RBMS1: variants seen among roughly 807,000 people sequenced by gnomAD.
RBMS1 encodes RNA binding motif single stranded interacting protein 1, also known as RNA-binding motif, single-stranded-interacting protein 1.
Under a neutral mutation model 62.3 loss-of-function variants are expected in RBMS1, and 17 were observed. That is an observed-to-expected ratio of 0.27 (90% CI 0.19 to 0.41). The LOEUF is 0.41. Among genes scored for constraint, RBMS1 ranks in the 10% least tolerant of loss-of-function variants. RBMS1 has a pLI of 1.00. For missense variants in RBMS1, 334 were observed against 504.5 expected (o/e 0.66, Z 3.24); for synonymous variants, 172 against 170.0 (o/e 1.01, Z -0.09).
chr2:160,438,586 C>A (rs1223381522), intron 1 of RBMS1, among the ~76,000 whole-genome samples: 3 of 152,158 alleles, frequency 2.0e-5, no homozygotes, highest in African/African-American at 2.4e-5. Flanking sequence ...ATAAGGTCAC[C>A]AATCAACAGG....
chr2:160,310,775 G>A (rs61254214), intron 4 of RBMS1, among the ~76,000 whole-genome samples: 53,180 of 151,862 alleles, frequency 0.35, 9,584 homozygotes, highest in East Asian at 0.53. Flanking sequence ...TAAACATTCT[G>A]CAAATCATTA....
intron 1 of RBMS1, among the ~76,000 whole-genome samples, chr2:160,395,202 T>C (rs1386194762): frequency 1.3e-5 from 2 of 152,252 alleles, no homozygotes; most frequent in African/African-American, 4.8e-5. Flanking sequence ...GTATGTAGTG[T>C]TTCCGAAGTT....
At chr2:160,390,073 C>T (rs1573985141) in intron 1 of RBMS1, among the ~76,000 whole-genome samples, 1 of 152,290 alleles carries the variant, frequency 6.6e-6, no homozygotes, top group Non-Finnish European at 1.5e-5. Flanking sequence ...ACTCCCATTC[C>T]CTAGAGGTAA....
intron 1 of RBMS1, among the ~76,000 whole-genome samples, chr2:160,471,195 A>C (rs1472354174): frequency 1.3e-5 from 2 of 152,208 alleles, no homozygotes; most frequent in African/African-American, 4.8e-5. Context: ...AAGGGCAATA[A>C]ATGCTGGGCA....
At chr2:160,359,878 T>C (rs1013330508) in intron 2 of RBMS1, among the ~76,000 whole-genome samples, 4 of 152,200 alleles carry the variant, frequency 2.6e-5, no homozygotes, top group African/African-American at 7.2e-5. Context: ...GATGTACAAA[T>C]AATGAATATA....
chr2:160,339,580 C>T (rs1412695897), intron 2 of RBMS1, among the ~76,000 whole-genome samples: 1 of 152,068 alleles, frequency 6.6e-6, no homozygotes, highest in East Asian at 1.9e-4. Context: ...TATTACACAC[C>T]ATGATGTGTC....
In RBMS1 at chr2:160,451,174, T is replaced by A. The variant is rs903086545; in HGVS notation, c.75+42115A>T. The stretch of plus-strand genomic sequence containing the variant: ...CATGCTTCAGAAAAAAAAAAATAAA[T>A]AAATAAAAACTAGAGAAAATATCAT... On this transcript the variant is annotated intron_variant, in intron 1 of 13. Coordinates refer to ENST00000348849, the MANE Select transcript of RBMS1 (RefSeq NM_016836.4). Among the ~76,000 whole-genome samples the A allele has an allele frequency of 1.2e-3, 170 of 138,684 alleles. No homozygotes were observed. In the Middle Eastern group the frequency reaches 0.015, roughly 12 times the overall value. 91.0% of individuals were successfully genotyped at this position (138,684 alleles called of 152,430 possible).
rs142757202 is a variant in RBMS1, at chr2:160,305,660, G to A, written c.403-2173C>T. ...AGGAAGAAGAAACTGCAGTTTGAAA[G>A]CTACATCTTGAAAAATAGGGCGGTT... On this transcript the variant is annotated intron_variant, in intron 4 of 13. Coordinates refer to ENST00000348849, the MANE Select transcript of RBMS1 (RefSeq NM_016836.4). Among the ~76,000 whole-genome samples the A allele has an allele frequency of 8.0e-3, 1,212 of 152,286 alleles. 20 individuals carry two copies. Among genetic ancestry groups the A allele is most frequent in the African/African-American group, 0.026 (1,095 of 41,560 alleles).
At chr2:160,438,257 CTTTCTT>C (rs1223763465) in intron 1 of RBMS1, among the ~76,000 whole-genome samples, 100 of 142,562 alleles carry the variant, frequency 7.0e-4, no homozygotes, top group Middle Eastern at 3.8e-3. Flanking sequence ...AGGCTCAATA[CTTTCTT>C]TTTTTTTTTT....
chr2:160,363,910 A>C (rs1693261972), intron 2 of RBMS1, among the ~76,000 whole-genome samples: 1 of 152,116 alleles, frequency 6.6e-6, no homozygotes, highest in East Asian at 1.9e-4. Flanking sequence ...GAGAGTGAAA[A>C]AAAAAGCTAG....
chr2:160,311,228 C>A (rs111767564), intron 4 of RBMS1, among the ~76,000 whole-genome samples: 46,766 of 93,774 alleles, frequency 0.5, 12,326 homozygotes, highest in Middle Eastern at 0.64. Context: ...ATCTATCTAT[C>A]TATCTATATA....
intron 1 of RBMS1, among the ~76,000 whole-genome samples, chr2:160,415,106 A>G (rs1328369776): frequency 2.0e-5 from 3 of 151,992 alleles, no homozygotes; most frequent in East Asian, 1.9e-4. Context: ...TCAATCTTCT[A>G]TACTCTGATT....
At chr2:160,316,328 G>A (rs1467772713) in intron 3 of RBMS1, among the ~76,000 whole-genome samples, 9 of 152,266 alleles carry the variant, frequency 5.9e-5, no homozygotes, top group African/African-American at 2.2e-4. Flanking sequence ...TGGGAGGCTT[G>A]TGTGAAGCAG....
At chr2:160,387,471 A>G (rs1056312177) in intron 1 of RBMS1, among the ~76,000 whole-genome samples, 1 of 152,000 alleles carries the variant, frequency 6.6e-6, no homozygotes, top group Non-Finnish European at 1.5e-5. Context: ...CAGGGAGAGG[A>G]GCCACGTCGT....
Position 160,392,460 on chromosome 2 carries a change from CA to C in RBMS1, c.76-25070del, listed in dbSNP as rs761100589. 5.9e-3 allele frequency among the ~76,000 whole-genome samples: 731 copies of C among 123,732 alleles called. 6 individuals carry two copies. The highest frequency in any genetic ancestry group is 0.02 in the African/African-American group (645 of 32,450). The allele number at this position is 123,732 out of a possible 152,430, so 81.2% of individuals were successfully genotyped here. A position where few individuals can be genotyped will look rare whatever the true frequency, so the allele number is the denominator to read the frequency against. Reference sequence around the variant, plus strand: ...AAAATATTTACTATCTGGCCCTTCACAAAAAAAAAAAAACCCTGATCCCAAC... The same window carrying C: ...AAAATATTTACTATCTGGCCCTTCACAAAAAAAAAAAACCCTGATCCCAAC... On this transcript the variant is annotated intron_variant, in intron 1 of 13. Transcript: ENST00000348849.
At chr2:160,490,685 A>G (rs1287311543) in intron 1 of RBMS1, among the ~76,000 whole-genome samples, 1 of 152,196 alleles carries the variant, frequency 6.6e-6, no homozygotes, top group Admixed American at 6.5e-5. Flanking sequence ...AACTTTTAAA[A>G]GTATGGTAAC....
chr2:160,471,716 T>TATATAGAA (rs371634389), intron 1 of RBMS1, among the ~76,000 whole-genome samples: 1 of 76,234 alleles, frequency 1.3e-5, no homozygotes, highest in South Asian at 4.4e-4. Context: ...TATATATATA[T>TATATAGAA]AACCTTTCAT....
chr2:160,297,150 GA>G (rs1688978641), intron 6 of RBMS1, among the ~76,000 whole-genome samples: 1 of 152,220 alleles, frequency 6.6e-6, no homozygotes, highest in African/African-American at 2.4e-5. Flanking sequence ...TTGGGAAGTA[GA>G]ATTACAGATG....
At chr2:160,279,559 T>A (rs1688002086) in intron 10 of RBMS1, 1 of 152,208 alleles carries the variant, frequency 6.6e-6, no homozygotes. Flanking sequence ...TGAAAAACTA[T>A]CATTATCATC....
Sources: gnomAD v4.1 joint callset for allele counts (sites outside exome capture counted in the v4.1 genomes callset) on GRCh38, gnomAD v4.1.1 for gene constraint, MANE v1.5 for transcripts, NCBI Gene and HGNC (gene_info 2026-07-23, HGNC 2026-07-21) for gene names.